The following HPX variants were observed in gnomAD, a reference collection of about 807,000 sequenced individuals.
HPX encodes the protein hemopexin.
HPX carries 42 observed loss-of-function variants against 53.8 expected under a neutral mutation model. The observed-to-expected ratio is 0.78, with a 90% CI of 0.61 to 1.01. HPX has a LOEUF of 1.01. Ranked by LOEUF, HPX falls within the 50% of genes least tolerant of loss-of-function variation. The probability of loss-of-function intolerance (pLI) is 0.00; values close to 1 mark genes in which losing one functional copy is unlikely to be tolerated. For synonymous variants in HPX, 229 were observed against 221.1 expected (o/e 1.04, Z -0.32); for missense variants, 547 against 594.3 (o/e 0.92, Z 0.83).
At position 6,437,642 on chromosome 11, in the gene HPX, C is replaced by G; in HGVS notation, c.501G>C (p.Glu167Asp). Residue 167 changes from glutamate (E) to aspartate (D), a missense_variant, in exon 6 of 10, where the codon GAG (glutamate) becomes GAC (aspartate). Glu to Asp is a conservative substitution (Grantham distance 45). Transcript: ENST00000265983. ...EGVLFFQGDR[E>D]WFWDLATGTM... is the part of the protein sequence containing the mutation. Reference sequence around the variant, plus strand: ...TTCCCGTAGCCAAGTCCCAGAACCACTCGCGGTCACCTTTGTCCAATCAAT... The same window carrying G: ...TTCCCGTAGCCAAGTCCCAGAACCAGTCGCGGTCACCTTTGTCCAATCAAT... 1 of 1,614,056 alleles carries G rather than the reference C, an allele frequency of 6.2e-7. No individual in the cohort carries two copies. The highest frequency in any genetic ancestry group is 8.5e-7 in the Non-Finnish European group (1 of 1,179,972).
chr11:6,434,531 A>G (rs949754992), intron 7 of HPX, among the ~76,000 whole-genome samples: 6 of 151,832 alleles, frequency 4.0e-5, no homozygotes, highest in Admixed American at 3.9e-4. Flanking sequence ...AGATTTCACC[A>G]TGTTGCCCAG....
At chr11:6,435,978 C>T (rs1849410894) in intron 7 of HPX, among the ~76,000 whole-genome samples, 1 of 152,160 alleles carries the variant, frequency 6.6e-6, no homozygotes, top group Non-Finnish European at 1.5e-5. Flanking sequence ...TCTCTTTCTG[C>T]ATTTCACTTT....
intron 4 of HPX, 53 bp from the exon 5 acceptor site, chr11:6,438,562 C>T: frequency 6.6e-7 from 1 of 1,522,092 alleles, no homozygotes; most frequent in Admixed American, 1.7e-5. Flanking sequence ...TACTGCCACT[C>T]TGCATTTACA....
At position 6,437,137 on chromosome 11, in the gene HPX, G is replaced by A. The variant is rs1325218030; in HGVS notation, c.744C>T (p.Thr248=). 2 of 1,613,996 alleles carry A rather than the reference G, an allele frequency of 1.2e-6. No homozygotes were observed. Among genetic ancestry groups the A allele is most frequent in the East Asian group, 4.5e-5 (2 of 44,870 alleles). ...AGCGCATATACTCAGGGCCATGGTG[G>A]GTACTGTTCCCATGGCCAGTCCCAT... The part of the protein sequence containing the change: ...HRNGTGHGNS[T]HHGPEYMRCS... Residue 248 remains threonine, a synonymous_variant, in exon 7 of 10, where the codon ACC becomes ACT. Coordinates refer to ENST00000265983, the MANE Select transcript of HPX (RefSeq NM_000613.3).
chr11:6,431,895 G>A lies in HPX; in HGVS notation c.958C>T (p.Leu320=). 1 of 1,614,182 alleles carries A rather than the reference G, an allele frequency of 6.2e-7. No individual in the cohort carries two copies. Among genetic ancestry groups the A allele is most frequent in the Non-Finnish European group, 8.5e-7 (1 of 1,180,036 alleles). Residue 320 remains leucine (L), a synonymous_variant, in exon 8 of 10, where the codon CTG becomes TTG. Coordinates refer to ENST00000265983, the MANE Select transcript of HPX (RefSeq NM_000613.3). ...TCTCCCCCAATACACACCTGGACCA[G>A]ATAGAGTTTTTCTTCCCAGGAAAAG... is the stretch of plus-strand genomic sequence containing the variant. ...AAFSWEEKLY[L]VQGTQVYVFL... is the part of the protein sequence containing the mutation.
At chr11:6,432,158 A>G in intron 7 of HPX, 141 bp from the exon 8 acceptor site, 2 of 879,804 alleles carry the variant, frequency 2.3e-6, no homozygotes, top group Admixed American at 4.7e-5. Flanking sequence ...TGAGAAGGAG[A>G]AATAGAGCAA....
intron 7 of HPX, among the ~76,000 whole-genome samples, chr11:6,436,685 A>AG (rs1045195569): frequency 4.1e-4 from 63 of 152,296 alleles, no homozygotes; most frequent in African/African-American, 1.5e-3. Flanking sequence ...GCAAGAACAA[A>AG]GGGAGGCAAG....
chr11:6,431,334 A>G lies in HPX; in HGVS notation c.1266T>C (p.Gly422=). The change falls in exon 10 of 10, where the codon GGT becomes GGC. Residue 422 remains glycine, a synonymous_variant. Coordinates refer to ENST00000265983, the MANE Select transcript of HPX (RefSeq NM_000613.3). ...GACCATGGATGAGGTACAAGCCGGGACCATTGGCGGAACATGAGTTAGGGC... is the reference window on the plus strand; with the variant it reads ...GACCATGGATGAGGTACAAGCCGGGGCCATTGGCGGAACATGAGTTAGGGC... ...SLGPNSCSAN[G]PGLYLIHGPN... 1 of 1,614,250 alleles carries G rather than the reference A, an allele frequency of 6.2e-7. No homozygotes were observed. The highest frequency in any genetic ancestry group is 8.5e-7 in the Non-Finnish European group (1 of 1,180,054).
At chr11:6,436,918 C>T in intron 7 of HPX, 128 bp downstream of exon 7, 1 of 1,018,276 alleles carries the variant, frequency 9.8e-7, no homozygotes, top group Admixed American at 2.0e-5. Context: ...GAAGGGCATG[C>T]AGAAGGATGG....
chr11:6,439,113 G>A (rs1849453566), intron 4 of HPX, among the ~76,000 whole-genome samples: 1 of 152,196 alleles, frequency 6.6e-6, no homozygotes, highest in Non-Finnish European at 1.5e-5. Context: ...TTGGGCCCAA[G>A]AGCTGAAAAA....
At chr11:6,437,217 C>A in intron 6 of HPX, 40 bp from the exon 7 acceptor site, 1 of 1,592,932 alleles carries the variant, frequency 6.3e-7, no homozygotes. Flanking sequence ...AGAAGGAGGC[C>A]AGAGGTCAGA....
chr11:6,438,645 AC>A, intron 4 of HPX, 136 bp from the exon 5 acceptor site: 1 of 773,390 alleles, frequency 1.3e-6, no homozygotes, highest in Non-Finnish European at 2.1e-6. Context: ...TCTGTGGACA[AC>A]AATGTGCTGT....
At chr11:6,440,576 A>G in intron 2 of HPX, 38 bp from the exon 3 acceptor site, 1 of 397,804 alleles carries the variant, frequency 2.5e-6, no homozygotes, top group Non-Finnish European at 3.4e-6. Flanking sequence ...GTAAAAAAAA[A>G]AAAAAAAAAA....
chr11:6,431,620 A>C, intron 9 of HPX, 21 bp downstream of exon 9: 1 of 1,612,452 alleles, frequency 6.2e-7, no homozygotes, highest in Non-Finnish European at 8.5e-7. Context: ...GCTGCCCTCT[A>C]AGCACCCAGA....
intron 6 of HPX, 96 bp from the exon 7 acceptor site, chr11:6,437,273 G>A: frequency 5.4e-6 from 8 of 1,469,068 alleles, no homozygotes; most frequent in Non-Finnish European, 6.5e-6. Flanking sequence ...TGGGGTGTGG[G>A]TTTCCCCATA....
In HPX at chr11:6,440,503, T is replaced by A; in HGVS notation, c.178A>T (p.Thr60Ser). The change falls in exon 3 of 10, where the codon ACC (threonine) becomes TCC (serine). Residue 60 changes from threonine (T) to serine (S), a missense_variant. Thr to Ser is a moderately conservative substitution (Grantham distance 58, BLOSUM62 1). Coordinates refer to ENST00000265983, the MANE Select transcript of HPX (RefSeq NM_000613.3). ...CSDGWSFDATTLDDNGTMLFF... is the reference protein window; with the variant it reads ...CSDGWSFDATSLDDNGTMLFF... ...AGCATGGTTCCATTGTCATCCAGGGTGGTAGCATCAAAGCTCCAGCCATCT... is the reference window on the plus strand; with the variant it reads ...AGCATGGTTCCATTGTCATCCAGGGAGGTAGCATCAAAGCTCCAGCCATCT... 1 of 1,593,620 alleles carries A rather than the reference T, an allele frequency of 6.3e-7. No individual in the cohort carries two copies. Among genetic ancestry groups the A allele is most frequent in the Non-Finnish European group, 8.5e-7 (1 of 1,174,306 alleles).
chr11:6,431,694 G>A lies in HPX; in HGVS notation c.1076C>T (p.Ser359Phe). ...AGGGCAGATAAAGGCCGCATCCACAGAGTCCAGGATAATCCCATGAGGGGT... is the reference window on the plus strand; with the variant it reads ...AGGGCAGATAAAGGCCGCATCCACAAAGTCCAGGATAATCCCATGAGGGGT... ...VGTPHGIILD[S>F]VDAAFICPGS... Residue 359 changes from serine (S) to phenylalanine (F), a missense_variant, in exon 9 of 10, where the codon TCT (serine) becomes TTT (phenylalanine). Ser to Phe is a radical substitution (Grantham distance 155). Coordinates refer to ENST00000265983, the MANE Select transcript of HPX (RefSeq NM_000613.3). 1.2e-6 allele frequency: 2 copies of A among 1,614,200 alleles called. No individual in the cohort carries two copies. Among genetic ancestry groups the A allele is most frequent in the South Asian group, 2.2e-5 (2 of 91,084 alleles).
intron 6 of HPX, 89 bp from the exon 7 acceptor site, chr11:6,437,266 G>A: frequency 6.7e-7 from 1 of 1,493,756 alleles, no homozygotes; most frequent in Non-Finnish European, 9.1e-7. Context: ...GGGTTAGTGG[G>A]GTGTGGGTTT....
chr11:6,437,351 G>T, intron 6 of HPX, 89 bp downstream of exon 6: 1 of 1,404,358 alleles, frequency 7.1e-7, no homozygotes, highest in Non-Finnish European at 1.0e-6. Context: ...GCAACACGGA[G>T]TTAAAGTGAG....
Sources: gnomAD v4.1 joint callset for allele counts (sites outside exome capture counted in the v4.1 genomes callset) on GRCh38, gnomAD v4.1.1 for gene constraint, MANE v1.5 for transcripts, NCBI Gene and HGNC (gene_info 2026-07-23, HGNC 2026-07-21) for gene names.